STK3: variants seen among roughly 807,000 people sequenced by gnomAD.
The protein encoded by STK3 is serine/threonine-protein kinase 3.
STK3 carries 41 observed loss-of-function variants against 58.0 expected under a neutral mutation model. That is an observed-to-expected ratio of 0.71 (90% CI 0.55 to 0.92). The LOEUF (loss-of-function observed/expected upper bound fraction) is 0.92. Among genes scored for constraint, STK3 ranks in the 40% least tolerant of loss-of-function variants. The pLI is 0.00. For synonymous variants in STK3, 170 were observed against 191.0 expected (o/e 0.89, Z 0.91); for missense variants, 479 against 602.7 (o/e 0.79, Z 2.15).
At chr8:98,594,250 T>A (rs1451551920) in intron 7 of STK3, among the ~76,000 whole-genome samples, 1 of 152,128 alleles carries the variant, frequency 6.6e-6, no homozygotes, top group South Asian at 2.1e-4. Flanking sequence ...GAGGTTTCAG[T>A]GAGCGAGATC....
intron 3 of STK3, among the ~76,000 whole-genome samples, chr8:98,426,328 A>C (rs145927482): frequency 1.1e-4 from 17 of 152,244 alleles, no homozygotes; most frequent in Middle Eastern, 3.4e-3. Context: ...CAGAGGACCC[A>C]TTTTAATGAA....
chr8:98,676,139 A>C (rs1325285217), intron 6 of STK3, among the ~76,000 whole-genome samples: 2 of 152,194 alleles, frequency 1.3e-5, no homozygotes, highest in East Asian at 3.9e-4. Context: ...TTCCACTTAC[A>C]TGAGGTACCC....
downstream of STK3, among the ~76,000 whole-genome samples, chr8:98,451,758 C>T (rs1819209274): frequency 6.6e-6 from 1 of 152,042 alleles, no homozygotes; most frequent in Non-Finnish European, 1.5e-5. Context: ...CTGGAAGTCA[C>T]CACTCAGTGG....
At chr8:98,744,860 A>G (rs1202245802) in intron 4 of STK3, among the ~76,000 whole-genome samples, 1 of 152,172 alleles carries the variant, frequency 6.6e-6, no homozygotes, top group East Asian at 1.9e-4. Flanking sequence ...CCAGTTAAAA[A>G]GGGATAGAAA....
intron 4 of STK3, among the ~76,000 whole-genome samples, chr8:98,732,165 G>C (rs577132887): frequency 6.6e-6 from 1 of 151,822 alleles, no homozygotes; most frequent in Non-Finnish European, 1.5e-5. Flanking sequence ...AAAAAGAGAC[G>C]GATAATCTAA....
At chr8:98,570,675 C>A (rs1475604710) in intron 8 of STK3, among the ~76,000 whole-genome samples, 1 of 151,910 alleles carries the variant, frequency 6.6e-6, no homozygotes, top group Non-Finnish European at 1.5e-5. Context: ...AAACAAAAAA[C>A]CTGGCCAAAA....
At chr8:98,528,572 C>T (rs1050547529) in intron 9 of STK3, among the ~76,000 whole-genome samples, 3 of 152,090 alleles carry the variant, frequency 2.0e-5, no homozygotes, top group African/African-American at 7.2e-5. Context: ...TTGCAACCTC[C>T]GCCTCCTGAG....
intron 10 of STK3, among the ~76,000 whole-genome samples, chr8:98,482,190 T>C (rs373504414): frequency 2.2e-4 from 34 of 152,198 alleles, no homozygotes; most frequent in Admixed American, 1.6e-3. Context: ...GTCTTGAAGA[T>C]AAAACAATAT....
At chr8:98,496,421 G>A (rs111891339) in intron 10 of STK3, among the ~76,000 whole-genome samples, 29 of 152,056 alleles carry the variant, frequency 1.9e-4, no homozygotes, top group Middle Eastern at 3.4e-3. Flanking sequence ...AATCAAAACC[G>A]TTAAAATATT....
At chr8:98,915,290 A>G (rs1200916115) in intron 1 of STK3, among the ~76,000 whole-genome samples, 1 of 151,816 alleles carries the variant, frequency 6.6e-6, no homozygotes, top group Non-Finnish European at 1.5e-5. Flanking sequence ...TCTTTCTCCC[A>G]TGCTGGATGC....
At chr8:98,422,592 C>G (rs1199984955) in intron 3 of STK3, among the ~76,000 whole-genome samples, 3 of 152,188 alleles carry the variant, frequency 2.0e-5, no homozygotes, top group Non-Finnish European at 4.4e-5. Context: ...GTAAAGAATT[C>G]TGGGAGGAGC....
intron 1 of STK3, chr8:98,379,231 G>A (rs1817706758): frequency 6.6e-6 from 1 of 152,196 alleles, no homozygotes. Flanking sequence ...TAACCTTCGT[G>A]AAAATATGTT....
intron 6 of STK3, among the ~76,000 whole-genome samples, chr8:98,622,125 A>G (rs958101486): frequency 2.0e-5 from 3 of 148,508 alleles, no homozygotes. Flanking sequence ...AAAAAAAAAA[A>G]TTAGCTGAGT....
At chr8:98,890,458 T>G (rs1450143013) in intron 1 of STK3, among the ~76,000 whole-genome samples, 1 of 152,210 alleles carries the variant, frequency 6.6e-6, no homozygotes, top group Non-Finnish European at 1.5e-5. Context: ...ATTTACTTTT[T>G]TATGTACCTT....
rs376501893 is a variant in STK3, at chr8:98,598,962, A to C, written c.685-2793T>G. ...GAAATGTCATGCCTTAGACTGCAAG[A>C]GTACCCAGGAGATGTGGAAAGGGCT... is the stretch of plus-strand genomic sequence containing the variant. On this transcript the variant is annotated intron_variant, in intron 6 of 10. Transcript: ENST00000419617. The C allele has an allele frequency of 5.4e-6, 5 of 920,356 alleles. No homozygotes were observed. In the South Asian group the frequency reaches 1.5e-4, roughly 28 times the overall value. 57.0% of individuals were successfully genotyped at this position (920,356 alleles called of 1,614,324 possible). A position where few individuals can be genotyped will look rare whatever the true frequency, so the allele number is the denominator to read the frequency against.
At chr8:98,930,194 A>G (rs1839956306) in intron 1 of STK3, among the ~76,000 whole-genome samples, 1 of 151,974 alleles carries the variant, frequency 6.6e-6, no homozygotes, top group South Asian at 2.1e-4. Context: ...CTCCCTCACT[A>G]CCCTGGGGAG....
At chr8:98,872,831 C>T (rs1218787032) in intron 3 of STK3, among the ~76,000 whole-genome samples, 1 of 152,160 alleles carries the variant, frequency 6.6e-6, no homozygotes, top group Non-Finnish European at 1.5e-5. Flanking sequence ...TTTTATGTCT[C>T]TGTCTCCTTA....
chr8:98,895,536 G>A (rs1439605098), intron 1 of STK3, among the ~76,000 whole-genome samples: 1 of 152,154 alleles, frequency 6.6e-6, no homozygotes, highest in Non-Finnish European at 1.5e-5. Flanking sequence ...AATGGGAATG[G>A]GAAGTAAGGA....
At chr8:98,579,978 G>A (rs1346342248) in intron 7 of STK3, among the ~76,000 whole-genome samples, 189 bp from the exon 8 acceptor site, 2 of 151,832 alleles carry the variant, frequency 1.3e-5, no homozygotes, top group African/African-American at 4.8e-5. Context: ...ATTTGCTTTG[G>A]GGCTTGTTTA....
Sources: gnomAD v4.1 joint callset for allele counts (sites outside exome capture counted in the v4.1 genomes callset) on GRCh38, gnomAD v4.1.1 for gene constraint, MANE v1.5 for transcripts, NCBI Gene and HGNC (gene_info 2026-07-23, HGNC 2026-07-21) for gene names.